The following ASIP variants were observed in gnomAD, a reference collection of about 807,000 sequenced individuals.
ASIP encodes agouti signaling protein, also known as agouti-signaling protein.
In ASIP, 11 loss-of-function variants were observed where a neutral mutation model predicts 10.3. The ratio of observed to expected loss-of-function variants is 1.07; its 90% CI spans 0.68 to 1.78. The LOEUF is 1.78. ASIP is among the 40% of genes most tolerant of loss of function. The probability of loss-of-function intolerance (pLI) is 0.00; values close to 1 mark genes in which losing one functional copy is unlikely to be tolerated. For missense variants in ASIP, 180 were observed against 169.2 expected, an observed-to-expected ratio of 1.06 and a Z score of -0.35; for synonymous variants, 70 against 70.8, an observed-to-expected ratio of 0.99 and a Z score of 0.06.
chr20:34,258,685 A>ATATG (rs1555826896), intron 1 of ASIP, among the ~76,000 whole-genome samples: 1 of 74,492 alleles, frequency 1.3e-5, no homozygotes, highest in African/African-American at 8.7e-5. Flanking sequence ...ATATATATAT[A>ATATG]TATATACATA....
At chr20:34,239,182 T>C, upstream of ASIP, among the ~76,000 whole-genome samples, 1 of 152,134 alleles carries the variant, frequency 6.6e-6, no homozygotes, top group East Asian at 1.9e-4. Context: ...CACCACCTAA[T>C]ATCCATCAGA....
At chr20:34,214,808 A>G in intron 1 of ASIP, 1 of 1,551,056 alleles carries the variant, frequency 6.4e-7, no homozygotes, top group Non-Finnish European at 8.9e-7. Flanking sequence ...ATATGAAGAT[A>G]ATCATAACAA....
Position 34,258,690 on chromosome 20 carries a change from T to TATATATATATATATATATAC in ASIP, c.-10-1674_-10-1673insTATATATATATATATATACA, listed in dbSNP as rs1250992566. Among the ~76,000 whole-genome samples, 17 of 72,306 alleles carry TATATATATATATATATATAC rather than the reference T, an allele frequency of 2.4e-4. 2 individuals carry two copies. The highest frequency in any genetic ancestry group is 4.1e-4 in the Admixed American group (2 of 4,926). The allele number at this position is 72,306 out of a possible 152,430, so 47.4% of individuals were successfully genotyped here. On this transcript the variant is annotated intron_variant, in intron 1 of 3. Transcript: ENST00000374954. Reference sequence around the variant, plus strand: ...GGGGGATGCCATATATATATATATATACATACTATATATATATATTATATA... The same window carrying TATATATATATATATATATAC: ...GGGGGATGCCATATATATATATATATATATATATATATATATATACACATACTATATATATATATTATATA...
At chr20:34,214,810 T>A in intron 1 of ASIP, 1 of 1,561,066 alleles carries the variant, frequency 6.4e-7, no homozygotes, top group South Asian at 1.1e-5. Context: ...ATGAAGATAA[T>A]CATAACAAAA....
At chr20:34,212,722 TATTTTA>T (rs1311379706) in intron 1 of ASIP, among the ~76,000 whole-genome samples, 13 of 152,330 alleles carry the variant, frequency 8.5e-5, no homozygotes, top group Non-Finnish European at 1.6e-4. Flanking sequence ...GTGATAGAAT[TATTTTA>T]ATTTTGAGTT....
intron 1 of ASIP, among the ~76,000 whole-genome samples, chr20:34,247,304 T>C (rs2122621825): frequency 6.6e-6 from 1 of 150,442 alleles, no homozygotes; most frequent in Admixed American, 6.6e-5. Context: ...ATGATGCTTT[T>C]TTTTTTTTTT....
intron 1 of ASIP, among the ~76,000 whole-genome samples, chr20:34,201,020 C>CTTTCTTTCTTTCTTTCTTTCTT (rs1568744486): frequency 8.9e-5 from 7 of 78,622 alleles, no homozygotes; most frequent in African/African-American, 7.3e-4. Flanking sequence ...TTCCTTCCTT[C>CTTTCTTTCTTTCTTTCTTTCTT]TTTCTTTCTT....
chr20:34,240,998 T>TA, upstream of ASIP, among the ~76,000 whole-genome samples: 1 of 152,246 alleles, frequency 6.6e-6, no homozygotes, highest in Non-Finnish European at 1.5e-5. Context: ...CTGGGATCTT[T>TA]AAAAAATCTC....
At chr20:34,218,063 C>T (rs2035021697) in intron 1 of ASIP, among the ~76,000 whole-genome samples, 1 of 152,158 alleles carries the variant, frequency 6.6e-6, no homozygotes, top group East Asian at 1.9e-4. Context: ...CTAATTTGTT[C>T]AGCATTTGTA....
the ASIP span, among the ~76,000 whole-genome samples, chr20:34,187,405 TC>T: frequency 4.6e-3 from 698 of 152,332 alleles, 7 homozygotes; most frequent in African/African-American, 0.015. Flanking sequence ...AAAGTTCTTC[TC>T]AGAGAAAAAA....
upstream of ASIP, among the ~76,000 whole-genome samples, chr20:34,193,732 G>A (rs1417955164): frequency 1.3e-5 from 2 of 152,192 alleles, no homozygotes; most frequent in Non-Finnish European, 2.9e-5. Context: ...CTGCAGTGTA[G>A]GCAGCCCAGT....
intron 1 of ASIP, among the ~76,000 whole-genome samples, chr20:34,223,745 A>G (rs1461923554): frequency 1.4e-4 from 19 of 140,482 alleles, no homozygotes; most frequent in Admixed American, 6.3e-4. Context: ...AGAACGGGCC[A>G]GGATGACAAT....
At chr20:34,222,772 G>A (rs2035057423) in intron 1 of ASIP, among the ~76,000 whole-genome samples, 1 of 150,584 alleles carries the variant, frequency 6.6e-6, no homozygotes, top group African/African-American at 2.4e-5. Flanking sequence ...CCGAGTGCCT[G>A]CAATTGCAGG....
At chr20:34,218,945 G>A (rs1348517695) in intron 1 of ASIP, among the ~76,000 whole-genome samples, 2 of 152,090 alleles carry the variant, frequency 1.3e-5, no homozygotes, top group African/African-American at 4.8e-5. Flanking sequence ...TCACAGGTGT[G>A]AGCCACCACG....
intron 1 of ASIP, among the ~76,000 whole-genome samples, chr20:34,221,663 T>C (rs1317062588): frequency 6.6e-6 from 1 of 152,186 alleles, no homozygotes; most frequent in Non-Finnish European, 1.5e-5. Context: ...GGAGTCCTTT[T>C]AGGTTTTTGA....
intron 1 of ASIP, among the ~76,000 whole-genome samples, chr20:34,197,302 G>A (rs1182004718): frequency 2.0e-5 from 3 of 151,966 alleles, no homozygotes; most frequent in South Asian, 2.1e-4. Context: ...CGGGGGTTGC[G>A]GTGAGCAGAG....
chr20:34,241,534 G>T, intron 1 of ASIP, 45 bp downstream of exon 1: 1 of 985,404 alleles, frequency 1.0e-6, no homozygotes, highest in Non-Finnish European at 1.2e-6. Context: ...GAGTGAAGCT[G>T]CTGCTACTTT....
chr20:34,268,755 AAAC>A (rs920691847), intron 3 of ASIP, among the ~76,000 whole-genome samples: 3 of 147,166 alleles, frequency 2.0e-5, no homozygotes, highest in East Asian at 2.1e-4. Context: ...AAAAACAAAC[AAAC>A]AAAAAAAACA....
At chr20:34,192,010 C>T (rs557534698), upstream of ASIP, among the ~76,000 whole-genome samples, 85 of 152,210 alleles carry the variant, frequency 5.6e-4, no homozygotes, top group African/African-American at 1.9e-3. Context: ...GGATTACAGG[C>T]GTGAGCCACT....
Sources: allele counts gnomAD v4.1 joint callset (sites outside exome capture counted in the v4.1 genomes callset), GRCh38; gene constraint gnomAD v4.1.1; transcripts MANE v1.5; gene names NCBI Gene and HGNC (gene_info 2026-07-23, HGNC 2026-07-21).